Variants in CNTNAP2 observed in about 807,000 individuals in gnomAD.
CNTNAP2 encodes contactin associated protein 2, also known as contactin-associated protein-like 2.
Under a neutral mutation model 155.2 loss-of-function variants are expected in CNTNAP2, and 98 were observed. That is an observed-to-expected ratio of 0.63 (90% CI 0.54 to 0.75). The LOEUF is 0.75. Among genes scored for constraint, CNTNAP2 ranks in the 30% least tolerant of loss-of-function variants. The pLI, the probability that CNTNAP2 is intolerant of heterozygous loss-of-function variation, is 0.00. For synonymous variants in CNTNAP2, 651 were observed against 631.2 expected (o/e 1.03, Z -0.47); for missense variants, 1,727 against 1,688.1 (o/e 1.02, Z -0.40).
intron 15 of CNTNAP2, among the ~76,000 whole-genome samples, chr7:148,009,555 G>C (rs1802037543): frequency 1.3e-5 from 2 of 152,054 alleles, no homozygotes; most frequent in South Asian, 4.1e-4. Context: ...TGGGAGACTG[G>C]TATATTTACC....
intron 13 of CNTNAP2, among the ~76,000 whole-genome samples, chr7:147,867,554 G>T (rs1374269176): frequency 6.6e-6 from 1 of 152,114 alleles, no homozygotes; most frequent in Non-Finnish European, 1.5e-5. Context: ...TTCCAACTTG[G>T]TTGTATTCTC....
chr7:146,743,497 G>T (rs942584794), intron 1 of CNTNAP2, among the ~76,000 whole-genome samples: 12 of 151,908 alleles, frequency 7.9e-5, no homozygotes, highest in African/African-American at 2.9e-4. Flanking sequence ...TAGCTAAATA[G>T]TCACTTATTG....
intron 14 of CNTNAP2, among the ~76,000 whole-genome samples, chr7:147,945,769 T>C (rs1232053099): frequency 1.3e-5 from 2 of 151,682 alleles, no homozygotes; most frequent in Non-Finnish European, 2.9e-5. Context: ...AAAATAATTT[T>C]ATTGACTTCT....
chr7:148,141,808 C>G (rs570910778), intron 16 of CNTNAP2, among the ~76,000 whole-genome samples: 1 of 152,220 alleles, frequency 6.6e-6, no homozygotes, highest in South Asian at 2.1e-4. Context: ...GACTTGTGAG[C>G]AGAGAAGTAA....
intron 8 of CNTNAP2, among the ~76,000 whole-genome samples, chr7:147,234,733 G>A (rs868503235): frequency 9.1e-4 from 138 of 152,254 alleles, no homozygotes; most frequent in African/African-American, 3.0e-3. Flanking sequence ...GGAGATTGCT[G>A]TCTTTCCTTG....
At chr7:147,720,613 G>A (rs1011035232) in intron 13 of CNTNAP2, among the ~76,000 whole-genome samples, 2 of 152,052 alleles carry the variant, frequency 1.3e-5, no homozygotes, top group African/African-American at 4.8e-5. Context: ...GAATCATGGG[G>A]ACAGTTTCCC....
intron 3 of CNTNAP2, among the ~76,000 whole-genome samples, chr7:146,910,337 G>A (rs1027294125): frequency 8.0e-5 from 12 of 150,072 alleles, no homozygotes; most frequent in East Asian, 5.8e-4. Context: ...AAAAGAGCCC[G>A]CATCGCCAAG....
chr7:147,661,865 A>G (rs1310644333), intron 13 of CNTNAP2, among the ~76,000 whole-genome samples: 1 of 152,092 alleles, frequency 6.6e-6, no homozygotes, highest in African/African-American at 2.4e-5. Flanking sequence ...GCTTCTTGAT[A>G]TAAGTACTAG....
At chr7:147,602,178 C>A (rs1480452706) in intron 12 of CNTNAP2, among the ~76,000 whole-genome samples, 3 of 151,054 alleles carry the variant, frequency 2.0e-5, no homozygotes, top group Admixed American at 6.6e-5. Context: ...GGGTATTTAT[C>A]CCTTAAAAAA....
intron 1 of CNTNAP2, among the ~76,000 whole-genome samples, chr7:146,491,642 A>G (rs1797141288): frequency 2.0e-5 from 3 of 152,142 alleles, no homozygotes; most frequent in South Asian, 4.1e-4. Context: ...GATGCCAGGC[A>G]CCCATCAGAG....
At chr7:148,146,589 G>A (rs1805183229) in intron 16 of CNTNAP2, among the ~76,000 whole-genome samples, 2 of 152,314 alleles carry the variant, frequency 1.3e-5, no homozygotes, top group South Asian at 2.1e-4. Flanking sequence ...AGTGCTAGAG[G>A]GTAGGTTATG....
rs568059301 is a variant in CNTNAP2 at position 146,206,606 on chromosome 7, C to T, written c.97+89633C>T. Among the ~76,000 whole-genome samples, 8 of 152,026 alleles carry T rather than the reference C, an allele frequency of 5.3e-5. No individual in the cohort carries two copies. The South Asian group carries it at 1.7e-3, about 31-fold the overall frequency. ...GACCTTAAGTGTCAAGAATATAATG[C>T]ACCATTTCTCTTTTATAAGCAGTAC... On this transcript the variant is annotated intron_variant, in intron 1 of 23. Coordinates refer to ENST00000361727, the MANE Select transcript of CNTNAP2 (RefSeq NM_014141.6).
At chr7:146,372,915 A>G (rs544956890) in intron 1 of CNTNAP2, among the ~76,000 whole-genome samples, 1 of 152,352 alleles carries the variant, frequency 6.6e-6, no homozygotes, top group Admixed American at 6.5e-5. Flanking sequence ...AACCTTGTTC[A>G]TTCAGATGAC....
intron 1 of CNTNAP2, among the ~76,000 whole-genome samples, chr7:146,160,048 C>G (rs1798192985): frequency 6.6e-6 from 1 of 152,184 alleles, no homozygotes; most frequent in Admixed American, 6.5e-5. Flanking sequence ...TCACTCCAAA[C>G]TAAACAACTA....
In CNTNAP2 at chr7:146,605,478, GA is replaced by G. The variant is rs1378534883; in HGVS notation, c.98-168787del. 2.1e-5 allele frequency among the ~76,000 whole-genome samples: 3 copies of G among 144,074 alleles called. No homozygotes were observed. The East Asian group carries it at 6.2e-4, about 30-fold the overall frequency. The allele number at this position is 144,074 out of a possible 152,430, so 94.5% of individuals were successfully genotyped here. The stretch of plus-strand genomic sequence containing the variant: ...GCACTTAGTATAGTCATGTTATGCA[GA>G]AAAAAGGACTCTAAGATGGTGGAGG... On this transcript the variant is annotated intron_variant, in intron 1 of 23. Transcript: ENST00000361727.
intron 1 of CNTNAP2, among the ~76,000 whole-genome samples, chr7:146,725,770 A>C (rs1302670143): frequency 6.6e-6 from 1 of 152,080 alleles, no homozygotes; most frequent in Non-Finnish European, 1.5e-5. Flanking sequence ...TGCGGGAGGA[A>C]CATCTTCCAT....
intron 21 of CNTNAP2, among the ~76,000 whole-genome samples, chr7:148,280,851 G>A (rs962120285): frequency 7.9e-5 from 12 of 151,870 alleles, no homozygotes; most frequent in African/African-American, 1.2e-4. Context: ...CCTAGGAGAC[G>A]GAAGTTGCAG....
intron 22 of CNTNAP2, among the ~76,000 whole-genome samples, chr7:148,407,773 C>T (rs1027138801): frequency 6.7e-6 from 1 of 149,484 alleles, no homozygotes; most frequent in Admixed American, 6.7e-5. Flanking sequence ...GTCTCTTTTG[C>T]ATCCCCCAGT....
rs1249766993 is a variant in CNTNAP2 at position 147,110,851 on chromosome 7, T to C, written c.754+2501T>C. ...CAATGAACATATGTATGCATGTATC[T>C]TTATAATAGAATAAATTATATTCCT... On this transcript the variant is annotated intron_variant, in intron 5 of 23. Transcript: ENST00000361727. Among the ~76,000 whole-genome samples the C allele has an allele frequency of 2.6e-5, 4 of 152,338 alleles. No homozygotes were observed. In the East Asian group the frequency reaches 5.8e-4, roughly 22 times the overall value.
Sources: gnomAD v4.1 joint callset for allele counts (sites outside exome capture counted in the v4.1 genomes callset) on GRCh38, gnomAD v4.1.1 for gene constraint, MANE v1.5 for transcripts, NCBI Gene and HGNC (gene_info 2026-07-23, HGNC 2026-07-21) for gene names.